CNTN4: variants seen among roughly 807,000 people sequenced by gnomAD.
The protein encoded by CNTN4 is contactin 4, also known as contactin-4.
CNTN4 carries 77 observed loss-of-function variants against 122.5 expected under a neutral mutation model. The observed-to-expected ratio is 0.63, with a 90% CI of 0.52 to 0.76. CNTN4 has a LOEUF of 0.76. CNTN4 is among the 30% of genes least tolerant of loss of function. The pLI, the probability that CNTN4 is intolerant of heterozygous loss-of-function variation, is 0.00. For missense variants in CNTN4, 1,256 were observed against 1,259.1 expected, an observed-to-expected ratio of 1.00 and a Z score of 0.04; for synonymous variants, 512 against 447.0, an observed-to-expected ratio of 1.15 and a Z score of -1.83.
In CNTN4 at chr3:2,705,850, AAT is replaced by A. The variant is rs1269287398; in HGVS notation, c.56-30360_56-30359del. ...TAAATATATATAATATATAATATAT[AAT>A]ATATGTGTTTATATATAATATATAT... On this transcript the variant is annotated intron_variant, in intron 4 of 24. Transcript: ENST00000418658. Among the ~76,000 whole-genome samples, 18 of 99,418 alleles carry A rather than the reference AAT, an allele frequency of 1.8e-4. No individual in the cohort carries two copies. The East Asian group carries it at 3.8e-3, about 21-fold the overall frequency. The allele number at this position is 99,418 out of a possible 152,430, so 65.2% of individuals were successfully genotyped here.
At chr3:2,116,797 A>G (rs2033384827) in intron 2 of CNTN4, among the ~76,000 whole-genome samples, 1 of 152,092 alleles carries the variant, frequency 6.6e-6, no homozygotes, top group Non-Finnish European at 1.5e-5. Flanking sequence ...CTCTTTACTA[A>G]ACATCTAATG....
rs10655083 is a variant in CNTN4 at position 2,634,676 on chromosome 3, GAAA to G, written c.55+63128_55+63130del. 3.5e-3 allele frequency among the ~76,000 whole-genome samples: 470 copies of G among 134,650 alleles called. 4 individuals are homozygous for G. Among genetic ancestry groups the G allele is most frequent in the African/African-American group, 0.013 (456 of 35,426 alleles). 88.3% of individuals were successfully genotyped at this position (134,650 alleles called of 152,430 possible). On this transcript the variant is annotated intron_variant, in intron 4 of 24. Coordinates refer to ENST00000418658, the MANE Select transcript of CNTN4 (RefSeq NM_175607.3). ...AAACCCCATCTCTACTAAAAATACA[GAAA>G]AAAAAAAAATATATATATATATATA... is the stretch of plus-strand genomic sequence containing the variant.
intron 6 of CNTN4, among the ~76,000 whole-genome samples, chr3:2,748,607 G>A (rs1250515994): frequency 1.3e-5 from 2 of 152,092 alleles, no homozygotes; most frequent in African/African-American, 4.8e-5. Flanking sequence ...TGTTCAACCA[G>A]CTACAAATTT....
At chr3:2,294,127 A>G (rs2042223890) in intron 2 of CNTN4, among the ~76,000 whole-genome samples, 1 of 152,176 alleles carries the variant, frequency 6.6e-6, no homozygotes. Context: ...AGCAGAAGCA[A>G]GGTCTCTGGA....
chr3:2,521,738 C>G (rs1002315469), intron 3 of CNTN4, among the ~76,000 whole-genome samples: 7 of 152,050 alleles, frequency 4.6e-5, no homozygotes, highest in Admixed American at 1.3e-4. Flanking sequence ...ACTTTTCTCT[C>G]CCTTCGGACT....
intron 4 of CNTN4, among the ~76,000 whole-genome samples, chr3:2,581,845 A>G (rs2079954021): frequency 6.6e-6 from 1 of 152,248 alleles, no homozygotes; most frequent in Non-Finnish European, 1.5e-5. Flanking sequence ...CTGATACTAC[A>G]ACATGGACAA....
At chr3:2,697,796 G>T (rs551677646) in intron 4 of CNTN4, among the ~76,000 whole-genome samples, 38 of 152,154 alleles carry the variant, frequency 2.5e-4, no homozygotes, top group Non-Finnish European at 4.1e-4. Flanking sequence ...AGGGCAGGCT[G>T]GCAGTCTGGA....
chr3:2,341,454 A>G (rs555577449), intron 3 of CNTN4, among the ~76,000 whole-genome samples: 2 of 152,204 alleles, frequency 1.3e-5, no homozygotes, highest in African/African-American at 2.4e-5. Context: ...ATAACTATCC[A>G]TGGACAGAAT....
At chr3:2,979,918 T>C (rs1693796242) in intron 13 of CNTN4, among the ~76,000 whole-genome samples, 1 of 152,180 alleles carries the variant, frequency 6.6e-6, no homozygotes, top group Non-Finnish European at 1.5e-5. Flanking sequence ...AGAAAAATCA[T>C]AGGTCTCCAT....
rs116717312 is a variant in CNTN4 at position 2,754,042 on chromosome 3, G to T, written c.358+8345G>T. Among the ~76,000 whole-genome samples the T allele has an allele frequency of 5.0e-3, 754 of 152,202 alleles. 8 individuals are homozygous for T. Among genetic ancestry groups the T allele is most frequent in the African/African-American group, 0.017 (720 of 41,536 alleles). ...TATTGATATTTTATGGTGAATAACT[G>T]GTTGGTAAACTGTTTATCCCCAAGC... On this transcript the variant is annotated intron_variant, in intron 6 of 24. Coordinates refer to ENST00000418658, the MANE Select transcript of CNTN4 (RefSeq NM_175607.3).
intron 3 of CNTN4, among the ~76,000 whole-genome samples, chr3:2,515,794 T>A (rs2149104997): frequency 6.6e-6 from 1 of 152,274 alleles, no homozygotes; most frequent in South Asian, 2.1e-4. Context: ...ATTAATTTCA[T>A]AATTTATACT....
chr3:2,546,365 A>G (rs2078246209), intron 3 of CNTN4, among the ~76,000 whole-genome samples: 1 of 152,046 alleles, frequency 6.6e-6, no homozygotes, highest in Admixed American at 6.6e-5. Context: ...TTGCAGCAAC[A>G]TGGATGGAGC....
chr3:2,523,127 G>A (rs562990495), intron 3 of CNTN4, among the ~76,000 whole-genome samples: 5 of 152,152 alleles, frequency 3.3e-5, no homozygotes, highest in South Asian at 2.1e-4. Flanking sequence ...AGGAATTGAG[G>A]TATGTACTGG....
At chr3:2,483,506 AG>A (rs1278886657) in intron 3 of CNTN4, among the ~76,000 whole-genome samples, 1 of 152,166 alleles carries the variant, frequency 6.6e-6, no homozygotes, top group Non-Finnish European at 1.5e-5. Flanking sequence ...GGGAGGGGTC[AG>A]GGGCAGAATG....
At chr3:2,602,384 C>A (rs1018780314) in intron 4 of CNTN4, among the ~76,000 whole-genome samples, 5 of 152,162 alleles carry the variant, frequency 3.3e-5, no homozygotes, top group Non-Finnish European at 7.4e-5. Flanking sequence ...TGATGAAGAA[C>A]TTCAGCAAAA....
intron 2 of CNTN4, among the ~76,000 whole-genome samples, chr3:2,150,273 A>G (rs2035437817): frequency 6.6e-6 from 1 of 152,206 alleles, no homozygotes; most frequent in South Asian, 2.1e-4. Context: ...CATATAAAGC[A>G]TCTATAACAG....
chr3:2,237,652 G>GTATTTTAAAAATA (rs377611848), intron 2 of CNTN4, among the ~76,000 whole-genome samples: 2,854 of 152,132 alleles, frequency 0.019, 44 homozygotes, highest in African/African-American at 0.036. Context: ...TAGATTTCAG[G>GTATTTTAAAAATA]TTTTAAAAAA....
intron 4 of CNTN4, among the ~76,000 whole-genome samples, chr3:2,586,524 C>T (rs945777954): frequency 1.3e-5 from 2 of 152,196 alleles, no homozygotes; most frequent in African/African-American, 4.8e-5. Context: ...AACCCCTGAT[C>T]TCGTGATCTG....
intron 6 of CNTN4, among the ~76,000 whole-genome samples, chr3:2,793,233 G>A (rs145830898): frequency 7.9e-5 from 12 of 152,020 alleles, no homozygotes; most frequent in African/African-American, 2.4e-4. Flanking sequence ...TTCCTATCAC[G>A]CTTCTGCTTG....
Sources: allele counts gnomAD v4.1 joint callset (sites outside exome capture counted in the v4.1 genomes callset), GRCh38; gene constraint gnomAD v4.1.1; transcripts MANE v1.5; gene names NCBI Gene and HGNC (gene_info 2026-07-23, HGNC 2026-07-21).